GARNL3: variants seen among roughly 807,000 people sequenced by gnomAD.
GARNL3 encodes GTPase-activating Rap/Ran-GAP domain-like protein 3.
GARNL3 carries 63 observed loss-of-function variants against 125.0 expected under a neutral mutation model. The ratio of observed to expected loss-of-function variants is 0.50; its 90% CI spans 0.41 to 0.62. The LOEUF (loss-of-function observed/expected upper bound fraction) is 0.62. GARNL3 is among the 20% of genes least tolerant of loss of function. The probability of loss-of-function intolerance (pLI) is 0.00; values close to 1 mark genes in which losing one functional copy is unlikely to be tolerated. For missense variants in GARNL3, 994 were observed against 1,244.0 expected, an observed-to-expected ratio of 0.80 and a Z score of 3.02; for synonymous variants, 439 against 457.5, an observed-to-expected ratio of 0.96 and a Z score of 0.52.
intron 2 of GARNL3, among the ~76,000 whole-genome samples, chr9:127,258,406 G>A (rs1158460646): frequency 6.6e-6 from 1 of 152,150 alleles, no homozygotes; most frequent in East Asian, 1.9e-4. Context: ...TTGGGAGGCC[G>A]AAGCAGATGG....
chr9:127,298,095 C>T (rs890176793), intron 2 of GARNL3, among the ~76,000 whole-genome samples: 4 of 152,188 alleles, frequency 2.6e-5, no homozygotes, highest in African/African-American at 4.8e-5. Context: ...CTCAAAACAG[C>T]GATGAAAATA....
chr9:127,383,631 G>GATTT, intron 23 of GARNL3, 86 bp downstream of exon 23: 2 of 774,986 alleles, frequency 2.6e-6, no homozygotes, highest in Non-Finnish European at 4.3e-6. Flanking sequence ...GCAAATCACT[G>GATTT]GCTTACTGCG....
At position 127,231,367 on chromosome 9, in the gene GARNL3, C is replaced by T. The variant is rs372761263; in HGVS notation, c.-29+7029C>T. On this transcript the variant is annotated intron_variant, in intron 1 of 10. Coordinates refer to the GARNL3 transcript ENST00000439286. Reference sequence around the variant, plus strand: ...GATTACAGGCGTGAGCCACTGCGCCCGGCCAGGCAAATGATATTTTAAGAC... The same window carrying T: ...GATTACAGGCGTGAGCCACTGCGCCTGGCCAGGCAAATGATATTTTAAGAC... 4.3e-4 allele frequency among the ~76,000 whole-genome samples: 65 copies of T among 151,764 alleles called. No individual in the cohort carries two copies. The East Asian group carries it at 6.2e-3, about 14-fold the overall frequency.
At chr9:127,285,916 C>A (rs2064238675) in intron 1 of GARNL3, among the ~76,000 whole-genome samples, 1 of 151,980 alleles carries the variant, frequency 6.6e-6, no homozygotes, top group Non-Finnish European at 1.5e-5. Context: ...CCGATCAAGT[C>A]TTTTTTGTTT....
chr9:127,248,059 C>T (rs7027718), intron 2 of GARNL3, among the ~76,000 whole-genome samples: 25,141 of 152,108 alleles, frequency 0.17, 6,400 homozygotes, highest in African/African-American at 0.55. Flanking sequence ...TTTTAATAGC[C>T]TTCAGAAGCT....
At chr9:127,299,828 G>T (rs1296186734) in intron 2 of GARNL3, among the ~76,000 whole-genome samples, 1 of 152,118 alleles carries the variant, frequency 6.6e-6, no homozygotes, top group Non-Finnish European at 1.5e-5. Flanking sequence ...GCCTCCCAAA[G>T]TGCTGGGATT....
intron 2 of GARNL3, among the ~76,000 whole-genome samples, chr9:127,258,452 C>T (rs1314886954): frequency 2.6e-5 from 4 of 152,038 alleles, no homozygotes; most frequent in Non-Finnish European, 5.9e-5. Context: ...CCAACCAGGA[C>T]AGCATGGCAA....
At chr9:127,239,945 A>G (rs1053838243) in intron 1 of GARNL3, among the ~76,000 whole-genome samples, 13 of 152,338 alleles carry the variant, frequency 8.5e-5, no homozygotes, top group Non-Finnish European at 1.5e-5. Context: ...TTAAAGGGCT[A>G]GAAAAGAACA....
chr9:127,369,586 G>A (rs1230987826), intron 22 of GARNL3, among the ~76,000 whole-genome samples: 2 of 152,210 alleles, frequency 1.3e-5, no homozygotes, highest in African/African-American at 2.4e-5. Context: ...GGCGAGGCCT[G>A]TCTGAGAGGG....
chr9:127,230,623 A>C (rs2062983445), intron 1 of GARNL3, among the ~76,000 whole-genome samples: 1 of 151,630 alleles, frequency 6.6e-6, no homozygotes. Context: ...ATTGCACTCC[A>C]GCCTGGGCAA....
intron 18 of GARNL3, 135 bp downstream of exon 18, chr9:127,354,079 A>C (rs3934537): frequency 1.4e-6 from 1 of 703,150 alleles, no homozygotes; most frequent in Non-Finnish European, 2.5e-6. Flanking sequence ...AGTGCTTGGG[A>C]TCCCTCAGTG....
Position 127,242,161 on chromosome 9 carries a change from C to G in GARNL3, c.-28-918C>G, listed in dbSNP as rs1337375700. On this transcript the variant is annotated intron_variant, in intron 1 of 10. Coordinates refer to the GARNL3 transcript ENST00000439286. The surrounding 1 kb of genome is among the most constrained non-coding windows in gnomAD (Gnocchi z 4.6). ...ATTAGGCCTTTTGTCTTTTCTCAGT[C>G]TTTCTTTCTTTCTTTTTTAAATTCA... 6.6e-6 allele frequency among the ~76,000 whole-genome samples: 1 copy of G among 151,978 alleles called. No individual in the cohort carries two copies. The highest frequency in any genetic ancestry group is 1.5e-5 in the Non-Finnish European group (1 of 67,978).
Position 127,266,659 on chromosome 9 carries a change from T to C in GARNL3, c.144+1638T>C, listed in dbSNP as rs1195457868. Among the ~76,000 whole-genome samples, 3 of 152,190 alleles carry C rather than the reference T, an allele frequency of 2.0e-5. No homozygotes were observed. The highest frequency in any genetic ancestry group is 7.2e-5 in the African/African-American group (3 of 41,452). On this transcript the variant is annotated intron_variant, in intron 1 of 27. Transcript: ENST00000373387. This position sits in a 1 kb window ranked among gnomAD's most constrained non-coding sequence, Gnocchi z 4.0. ...TGTTATCTACCTTAGAGGGTTGTTA[T>C]GAGGATTAAATGAGATCATGTACAT... is the stretch of plus-strand genomic sequence containing the variant.
intron 1 of GARNL3, among the ~76,000 whole-genome samples, chr9:127,228,815 T>G (rs1410715538): frequency 1.3e-5 from 2 of 152,214 alleles, no homozygotes; most frequent in African/African-American, 4.8e-5. Flanking sequence ...CTGTTTATAC[T>G]TTTTTGTTGT....
chr9:127,387,431 T>C (rs1429140040), intron 25 of GARNL3, 100 bp downstream of exon 25: 1 of 1,177,816 alleles, frequency 8.5e-7, no homozygotes, highest in Non-Finnish European at 1.2e-6. Context: ...TTAAAGAAGT[T>C]ACTATTTAAA....
At chr9:127,331,735 T>TTTTTTTTTTTTTTTTC (rs1554722987) in intron 7 of GARNL3, among the ~76,000 whole-genome samples, 4 of 143,734 alleles carry the variant, frequency 2.8e-5, no homozygotes, top group Admixed American at 7.1e-5. Flanking sequence ...TTTTTTTTTT[T>TTTTTTTTTTTTTTTTC]CACATCTGTT....
chr9:127,301,427 A>G (rs1008028773), intron 2 of GARNL3, among the ~76,000 whole-genome samples: 1 of 152,148 alleles, frequency 6.6e-6, no homozygotes, highest in Non-Finnish European at 1.5e-5. Flanking sequence ...ACTATGATAT[A>G]ATGGAGACTA....
At chr9:127,309,723 T>G (rs1210553132) in intron 2 of GARNL3, among the ~76,000 whole-genome samples, 1 of 151,230 alleles carries the variant, frequency 6.6e-6, no homozygotes, top group African/African-American at 2.4e-5. Context: ...TTTAACCTGT[T>G]CTCTCAACAG....
intron 2 of GARNL3, among the ~76,000 whole-genome samples, chr9:127,299,014 AAG>A (rs142535023): frequency 6.6e-6 from 1 of 152,104 alleles, no homozygotes; most frequent in Admixed American, 6.6e-5. Context: ...CAAAAATAAA[AAG>A]AGAGAAAGAG....
Sources: gnomAD v4.1 joint callset for allele counts (sites outside exome capture counted in the v4.1 genomes callset) on GRCh38, gnomAD v4.1.1 for gene constraint, Gnocchi (gnomAD v3.1) non-coding constraint, MANE v1.5 for transcripts, NCBI Gene and HGNC (gene_info 2026-07-23, HGNC 2026-07-21) for gene names.